Variants in DOK6 observed in about 807,000 individuals in gnomAD.
DOK6 encodes downstream of tyrosine kinase 6.
Under a neutral mutation model 44.0 loss-of-function variants are expected in DOK6, and 22 were observed. That is an observed-to-expected ratio of 0.50 (90% CI 0.36 to 0.71). The LOEUF (loss-of-function observed/expected upper bound fraction) is 0.71. Ranked by LOEUF, DOK6 falls within the 30% of genes least tolerant of loss-of-function variation. The probability of loss-of-function intolerance (pLI) is 0.00; values close to 1 mark genes in which losing one functional copy is unlikely to be tolerated. For synonymous variants in DOK6, 166 were observed against 145.5 expected (o/e 1.14, Z -1.01); for missense variants, 340 against 416.4 (o/e 0.82, Z 1.60).
intron 7 of DOK6, among the ~76,000 whole-genome samples, chr18:69,795,472 G>A (rs1568128482): frequency 6.6e-6 from 1 of 152,104 alleles, no homozygotes; most frequent in Non-Finnish European, 1.5e-5. Flanking sequence ...CAGTGTGTAG[G>A]AACATCTTAC....
intron 7 of DOK6, among the ~76,000 whole-genome samples, chr18:69,776,458 C>T (rs1454157084): frequency 1.3e-5 from 2 of 151,914 alleles, no homozygotes; most frequent in African/African-American, 4.8e-5. Flanking sequence ...TGGAACTACA[C>T]GATAATGAAA....
At chr18:69,404,778 G>A (rs969020839) in intron 1 of DOK6, among the ~76,000 whole-genome samples, 1 of 124,866 alleles carries the variant, frequency 8.0e-6, no homozygotes, top group African/African-American at 3.2e-5. Flanking sequence ...AGTGTCTCAG[G>A]ATAGGGTGGT....
intron 1 of DOK6, among the ~76,000 whole-genome samples, chr18:69,418,908 G>A (rs1334887604): frequency 6.6e-6 from 1 of 152,236 alleles, no homozygotes; most frequent in East Asian, 1.9e-4. Flanking sequence ...CTAAGTACAT[G>A]TATTTCAATT....
chr18:69,446,569 C>T (rs1466938024), intron 1 of DOK6, among the ~76,000 whole-genome samples: 1 of 152,072 alleles, frequency 6.6e-6, no homozygotes, highest in African/African-American at 2.4e-5. Flanking sequence ...TGGGTATATA[C>T]CCAGAAATGG....
At chr18:69,764,884 C>T (rs1426399279) in intron 7 of DOK6, among the ~76,000 whole-genome samples, 1 of 152,118 alleles carries the variant, frequency 6.6e-6, no homozygotes, top group Non-Finnish European at 1.5e-5. Flanking sequence ...TATCCACAGG[C>T]CAGCTTTGCC....
At chr18:69,516,709 T>C (rs574141048) in intron 1 of DOK6, among the ~76,000 whole-genome samples, 159 of 152,074 alleles carry the variant, frequency 1.0e-3, no homozygotes, top group African/African-American at 3.7e-3. Flanking sequence ...AGGCGGAGTC[T>C]CTGTCTCTCA....
intron 3 of DOK6, among the ~76,000 whole-genome samples, chr18:69,626,555 G>C (rs545069085): frequency 6.6e-6 from 1 of 152,196 alleles, no homozygotes; most frequent in Admixed American, 6.5e-5. Context: ...TAACCTAATG[G>C]GAAGAGGCTA....
At chr18:69,668,483 T>C (rs1019866135) in intron 3 of DOK6, among the ~76,000 whole-genome samples, 1 of 152,204 alleles carries the variant, frequency 6.6e-6, no homozygotes, top group Non-Finnish European at 1.5e-5. Flanking sequence ...GTTTATATTT[T>C]ACACCCTCAA....
chr18:69,811,547 T>C (rs1473431305), intron 7 of DOK6, among the ~76,000 whole-genome samples: 7 of 25,754 alleles, frequency 2.7e-4, no homozygotes, highest in Admixed American at 5.2e-4. Flanking sequence ...TATATATATA[T>C]ATATATATAT....
Position 69,599,450 on chromosome 18 carries a change from G to A in DOK6, c.241G>A (p.Ala81Thr). The change falls in exon 3 of 8, where the codon GCA (alanine) becomes ACA (threonine). Residue 81 changes from alanine to threonine, a missense_variant. Ala to Thr is a moderately conservative substitution (Grantham distance 58, BLOSUM62 0). Transcript: ENST00000382713. ...CCGAGAGACAAAGAAGCATGCGGTG[G>A]CAATCATCTTTCACGATGAAACATC... ...LPRETKKHAV[A>T]IIFHDETSKT... 1 of 1,613,990 alleles carries A rather than the reference G, an allele frequency of 6.2e-7. No homozygotes were observed. The highest frequency in any genetic ancestry group is 1.1e-5 in the South Asian group (1 of 91,054).
At chr18:69,746,615 A>T (rs1016757833) in intron 6 of DOK6, among the ~76,000 whole-genome samples, 1 of 152,232 alleles carries the variant, frequency 6.6e-6, no homozygotes, top group Non-Finnish European at 1.5e-5. Flanking sequence ...AAAATATCCT[A>T]CAAAGTTCAA....
At chr18:69,686,675 T>C (rs1986158862) in intron 4 of DOK6, among the ~76,000 whole-genome samples, 1 of 152,084 alleles carries the variant, frequency 6.6e-6, no homozygotes, top group South Asian at 2.1e-4. Context: ...TACCTCAAAG[T>C]TCACTGGATG....
intron 7 of DOK6, among the ~76,000 whole-genome samples, chr18:69,771,403 A>C (rs1979882806): frequency 6.6e-6 from 1 of 152,066 alleles, no homozygotes; most frequent in East Asian, 1.9e-4. Context: ...AGTTTATTTA[A>C]CCATTGCTCT....
chr18:69,413,301 A>G (rs1978313958), intron 1 of DOK6, among the ~76,000 whole-genome samples: 4 of 152,080 alleles, frequency 2.6e-5, no homozygotes, highest in African/African-American at 9.7e-5. Context: ...TTCAGCAACA[A>G]GTAGATAGAA....
chr18:69,569,258 C>T (rs1190724571), intron 2 of DOK6, among the ~76,000 whole-genome samples: 3 of 152,158 alleles, frequency 2.0e-5, no homozygotes, highest in African/African-American at 7.2e-5. Context: ...TGTACATAAA[C>T]TCAGAATGAG....
At chr18:69,651,287 A>G (rs2144662924) in intron 3 of DOK6, among the ~76,000 whole-genome samples, 1 of 152,290 alleles carries the variant, frequency 6.6e-6, no homozygotes, top group Admixed American at 6.5e-5. Flanking sequence ...TATCCCATGC[A>G]TAATCCAATG....
chr18:69,724,851 G>C (rs896083107), intron 5 of DOK6: 10 of 152,234 alleles, frequency 6.6e-5, no homozygotes, highest in African/African-American at 2.4e-4. Context: ...TATATGGAAT[G>C]CTAAGTTGCT....
chr18:69,593,353 C>T (rs115518502), intron 2 of DOK6, among the ~76,000 whole-genome samples: 251 of 149,080 alleles, frequency 1.7e-3, no homozygotes, highest in African/African-American at 5.9e-3. Flanking sequence ...GCCTGGGCCA[C>T]AGAACAAGGC....
intron 3 of DOK6, among the ~76,000 whole-genome samples, chr18:69,627,355 A>G (rs1003826192): frequency 6.6e-6 from 1 of 152,218 alleles, no homozygotes; most frequent in Admixed American, 6.5e-5. Context: ...AGCAGTGTCC[A>G]TGGTGCTTTA....
Sources: gnomAD v4.1 joint callset for allele counts (sites outside exome capture counted in the v4.1 genomes callset) on GRCh38, gnomAD v4.1.1 for gene constraint, MANE v1.5 for transcripts, NCBI Gene and HGNC (gene_info 2026-07-23, HGNC 2026-07-21) for gene names.